Variants in PCDHGA2 observed in about 807,000 individuals in gnomAD.
PCDHGA2 encodes protocadherin gamma subfamily A, 2.
PCDHGA2 carries 40 observed loss-of-function variants against 59.2 expected under a neutral mutation model. That is an observed-to-expected ratio of 0.68 (90% CI 0.52 to 0.88). The LOEUF (loss-of-function observed/expected upper bound fraction) is 0.88, where lower values mean the gene tolerates loss of function less well. Ranked by LOEUF, PCDHGA2 falls within the 40% of genes least tolerant of loss-of-function variation. The probability of loss-of-function intolerance (pLI) is 0.00; values close to 1 mark genes in which losing one functional copy is unlikely to be tolerated. For synonymous variants in PCDHGA2, 560 were observed against 526.0 expected (o/e 1.06, Z -0.89); for missense variants, 1,226 against 1,204.0 (o/e 1.02, Z -0.27).
intron 1 of PCDHGA2, chr5:141,345,848 C>T (rs200129248): frequency 1.4e-5 from 23 of 1,613,204 alleles, no homozygotes; most frequent in East Asian, 2.2e-5. Flanking sequence ...CCTGGCTGTC[C>T]TACCGCCTGC....
chr5:141,500,187 TATTTA>T (rs1467273493), intron 2 of PCDHGA2, among the ~76,000 whole-genome samples: 2 of 110,668 alleles, frequency 1.8e-5, no homozygotes, highest in Non-Finnish European at 3.6e-5. Flanking sequence ...TTTTTATTTT[TATTTA>T]TTTATTTATT....
chr5:141,470,488 T>A (rs2099231812), intron 1 of PCDHGA2, among the ~76,000 whole-genome samples: 2 of 152,234 alleles, frequency 1.3e-5, no homozygotes, highest in South Asian at 4.1e-4. Flanking sequence ...CCTCTGGGAA[T>A]AATATTAGGT....
At chr5:141,450,152 A>G (rs958894990) in intron 1 of PCDHGA2, among the ~76,000 whole-genome samples, 1 of 151,132 alleles carries the variant, frequency 6.6e-6, no homozygotes, top group East Asian at 2.0e-4. Context: ...GACTACAGGC[A>G]TGTGCCACCA....
intron 1 of PCDHGA2, chr5:141,356,584 C>G: frequency 6.2e-7 from 1 of 1,614,182 alleles, no homozygotes; most frequent in Non-Finnish European, 8.5e-7. Context: ...TGCTTACATT[C>G]CTGAAAACAA....
rs1758636666 is a variant in PCDHGA2 at position 141,351,076 on chromosome 5, A to G, written c.2424+9681A>G. 1.9e-6 allele frequency: 3 copies of G among 1,613,906 alleles called. No individual in the cohort carries two copies. In the South Asian group the frequency reaches 3.3e-5, roughly 18 times the overall value. Reference sequence around the variant, plus strand: ...CAGACCAGGATGAGGGCATTAATGCAGAGATCACCTATGCCTTCCTCAATT... The same window carrying G: ...CAGACCAGGATGAGGGCATTAATGCGGAGATCACCTATGCCTTCCTCAATT... On this transcript the variant is annotated intron_variant, in intron 1 of 3. Coordinates refer to ENST00000394576, the MANE Select transcript of PCDHGA2 (RefSeq NM_018915.4).
intron 1 of PCDHGA2, chr5:141,364,724 C>A (rs772314048): frequency 6.2e-7 from 1 of 1,613,892 alleles, no homozygotes. Context: ...TAACTTCCCG[C>A]GTTTCCGGGA....
At chr5:141,423,397 C>T (rs759822483) in intron 1 of PCDHGA2, 3 of 1,614,146 alleles carry the variant, frequency 1.9e-6, no homozygotes, top group East Asian at 2.2e-5. Context: ...GCATAAGTCA[C>T]GCCTGCTGCA....
chr5:141,428,121 G>A (rs764584436), intron 1 of PCDHGA2: 2 of 1,605,742 alleles, frequency 1.2e-6, no homozygotes, highest in Admixed American at 1.7e-5. Flanking sequence ...CATCGAGCCC[G>A]GGCTTTTCAG....
intron 1 of PCDHGA2, chr5:141,389,450 G>C: frequency 6.2e-7 from 1 of 1,610,530 alleles, no homozygotes; most frequent in Non-Finnish European, 8.5e-7. Context: ...ACCACGAGCA[G>C]CTGCGCGCCT....
chr5:141,357,108 C>G, intron 1 of PCDHGA2: 9 of 1,613,824 alleles, frequency 5.6e-6, no homozygotes, highest in Non-Finnish European at 7.6e-6. Context: ...TGGACAGAGA[C>G]GCGCTCAAGC....
chr5:141,423,969 C>G, intron 1 of PCDHGA2: 1 of 1,147,718 alleles, frequency 8.7e-7, no homozygotes, highest in Non-Finnish European at 1.1e-6. Flanking sequence ...TTTCTATTAT[C>G]AGTGTATGAG....
Position 141,397,950 on chromosome 5 carries a change from G to T in PCDHGA2, c.2424+56555G>T, listed in dbSNP as rs142142786. 7.7e-4 allele frequency: 722 copies of T among 938,408 alleles called. 6 individuals carry two copies. The African/African-American group carries it at 0.01, about 13-fold the overall frequency. 58.1% of individuals were successfully genotyped at this position (938,408 alleles called of 1,614,324 possible). A position where few individuals can be genotyped will look rare whatever the true frequency, so the allele number is the denominator to read the frequency against. On this transcript the variant is annotated intron_variant, in intron 1 of 3. Transcript: ENST00000394576. ...CAGCCGCAGCGCGCTTTCCAGGGCA[G>T]CCCCAGCTCAGACTCCCCAGCGCCG... is the stretch of plus-strand genomic sequence containing the variant.
intron 1 of PCDHGA2, chr5:141,346,603 C>A (rs577224042): frequency 8.0e-7 from 1 of 1,250,564 alleles, no homozygotes; most frequent in African/African-American, 1.5e-5. Flanking sequence ...TCTTTCTGGG[C>A]CTATAGTAGG....
At chr5:141,347,112 CTCCT>C (rs753513852) in intron 1 of PCDHGA2, among the ~76,000 whole-genome samples, 5 of 80,984 alleles carry the variant, frequency 6.2e-5, no homozygotes, top group African/African-American at 2.5e-4. Context: ...TCTCTCTTTC[CTCCT>C]TCCTTCCTTC....
rs1344329529 is a variant in PCDHGA2, at chr5:141,456,847, C to T, written c.2425-37960C>T. Among the ~76,000 whole-genome samples the T allele has an allele frequency of 2.0e-5, 3 of 152,084 alleles. No homozygotes were observed. The East Asian group carries it at 5.8e-4, about 29-fold the overall frequency. ...TCGTGGTAGTGGGCGCCTGTAATCC[C>T]AGCTAATTGGGAGGCTGAGGCAGGA... On this transcript the variant is annotated intron_variant, in intron 1 of 3. Transcript: ENST00000394576.
chr5:141,360,404 T>C, intron 1 of PCDHGA2: 2 of 1,613,934 alleles, frequency 1.2e-6, no homozygotes, highest in South Asian at 1.1e-5. Flanking sequence ...AGTGACAGAA[T>C]AGACCGAGAA....
chr5:141,505,338 G>T, intron 2 of PCDHGA2, 55 bp from the exon 3 acceptor site: 1 of 1,612,254 alleles, frequency 6.2e-7, no homozygotes, highest in South Asian at 1.1e-5. Flanking sequence ...GGACAGGAGG[G>T]GCATGAGCTG....
At chr5:141,472,359 G>T (rs2099278248) in intron 1 of PCDHGA2, among the ~76,000 whole-genome samples, 1 of 151,944 alleles carries the variant, frequency 6.6e-6, no homozygotes, top group Admixed American at 6.6e-5. Flanking sequence ...GGCTAACACG[G>T]TGAAACCCCG....
At chr5:141,386,031 T>C (rs1010302626) in intron 1 of PCDHGA2, 2 of 152,232 alleles carry the variant, frequency 1.3e-5, no homozygotes, top group Non-Finnish European at 1.5e-5. Flanking sequence ...ATTTGTGACA[T>C]AGGCAATTAC....
Sources: allele counts gnomAD v4.1 joint callset (sites outside exome capture counted in the v4.1 genomes callset), GRCh38; gene constraint gnomAD v4.1.1; transcripts MANE v1.5; gene names NCBI Gene and HGNC (gene_info 2026-07-23, HGNC 2026-07-21).